PTPRD: variants seen among roughly 807,000 people sequenced by gnomAD.
PTPRD encodes the protein protein tyrosine phosphatase receptor type D.
A neutral mutation model predicts 214.5 loss-of-function variants in PTPRD; 34 were observed. The ratio of observed to expected loss-of-function variants is 0.16; its 90% confidence interval spans 0.12 to 0.21. The LOEUF (loss-of-function observed/expected upper bound fraction) is 0.21, where lower values mean the gene tolerates loss of function less well. Among genes scored for constraint, PTPRD ranks in the 10% least tolerant of loss-of-function variants. PTPRD has a pLI of 1.00. For synonymous variants in PTPRD, 1,128 were observed against 845.7 expected, an observed-to-expected ratio of 1.33 and a Z score of -5.79; for missense variants, 2,545 against 2,398.7, an observed-to-expected ratio of 1.06 and a Z score of -1.27.
chr9:10,076,295 T>C (rs972876250), intron 3 of PTPRD, among the ~76,000 whole-genome samples: 1 of 152,090 alleles, frequency 6.6e-6, no homozygotes, highest in Admixed American at 6.6e-5. Context: ...CATCCTATAC[T>C]GCTCAAAAAC....
chr9:10,204,505 A>T (rs184134241), intron 3 of PTPRD, among the ~76,000 whole-genome samples: 1 of 152,238 alleles, frequency 6.6e-6, no homozygotes, highest in East Asian at 1.9e-4. Context: ...GCTAGCATTA[A>T]ATATTTGTTG....
intron 11 of PTPRD, among the ~76,000 whole-genome samples, chr9:8,923,448 T>A (rs2098842314): frequency 6.6e-6 from 1 of 151,254 alleles, no homozygotes; most frequent in African/African-American, 2.4e-5. Context: ...CCAACCACAC[T>A]CCACTCCTGT....
chr9:9,372,103 G>A (rs1444268299), intron 9 of PTPRD, among the ~76,000 whole-genome samples: 1 of 152,140 alleles, frequency 6.6e-6, no homozygotes, highest in Non-Finnish European at 1.5e-5. Flanking sequence ...ATTTGGGGTG[G>A]AGAGTTCTGT....
Position 9,019,340 on chromosome 9 carries a change from GAAAGAAA to G in PTPRD, c.-142-612_-142-606del, listed in dbSNP as rs2099553297. On this transcript the variant is annotated intron_variant, in intron 10 of 45. Coordinates refer to ENST00000381196, the MANE Select transcript of PTPRD (RefSeq NM_002839.4). ...AGAAAGAAAGAAAGAAAGAAAGAAC[GAAAGAAA>G]GAAAGAAAGAAAGAATCTGAATTTT... is the stretch of plus-strand genomic sequence containing the variant. Among the ~76,000 whole-genome samples the G allele has an allele frequency of 2.2e-4, 5 of 23,066 alleles. No individual in the cohort carries two copies. In the South Asian group the frequency reaches 0.013, roughly 60 times the overall value. 15.1% of individuals were successfully genotyped at this position (23,066 alleles called of 152,430 possible).
chr9:10,481,634 G>C (rs1235085041), intron 2 of PTPRD, among the ~76,000 whole-genome samples: 1 of 152,128 alleles, frequency 6.6e-6, no homozygotes, highest in African/African-American at 2.4e-5. Flanking sequence ...AATGATTAAA[G>C]AAGTCATGAC....
At chr9:8,972,139 C>T (rs1249158662) in intron 11 of PTPRD, among the ~76,000 whole-genome samples, 1 of 151,792 alleles carries the variant, frequency 6.6e-6, no homozygotes, top group Non-Finnish European at 1.5e-5. Flanking sequence ...ACCAACTAAC[C>T]TCACATATGC....
At chr9:8,666,788 GC>G (rs1166598504) in intron 12 of PTPRD, among the ~76,000 whole-genome samples, 1 of 152,074 alleles carries the variant, frequency 6.6e-6, no homozygotes, top group East Asian at 1.9e-4. Context: ...GAACATAACT[GC>G]CCCCTCGAGT....
At chr9:9,931,808 T>C (rs559212085) in intron 5 of PTPRD, among the ~76,000 whole-genome samples, 11,623 of 151,080 alleles carry the variant, frequency 0.077, 1,437 homozygotes, top group African/African-American at 0.27. Context: ...CAGTAACCTC[T>C]GCAGACTTAA....
At chr9:8,319,285 CTTA>C (rs1186303063) in intron 45 of PTPRD, among the ~76,000 whole-genome samples, 1 of 152,096 alleles carries the variant, frequency 6.6e-6, no homozygotes, top group African/African-American at 2.4e-5. Flanking sequence ...ATCATAAACT[CTTA>C]TTATTACGAG....
At chr9:9,288,710 G>T (rs1306240327) in intron 9 of PTPRD, among the ~76,000 whole-genome samples, 1 of 151,800 alleles carries the variant, frequency 6.6e-6, no homozygotes, top group African/African-American at 2.4e-5. Flanking sequence ...ACATGGTTTG[G>T]CTGTGTCCCC....
intron 12 of PTPRD, among the ~76,000 whole-genome samples, chr9:8,730,118 A>T (rs1215215790): frequency 6.6e-6 from 1 of 152,038 alleles, no homozygotes; most frequent in African/African-American, 2.4e-5. Flanking sequence ...TAGCCGGGCG[A>T]GGTGGCGGGC....
intron 10 of PTPRD, among the ~76,000 whole-genome samples, chr9:9,154,988 A>C (rs1229993324): frequency 6.6e-6 from 1 of 152,156 alleles, no homozygotes; most frequent in African/African-American, 2.4e-5. Context: ...TATGAGATTC[A>C]TAGGTTTTCT....
At chr9:8,557,229 C>T (rs1364073149) in intron 14 of PTPRD, among the ~76,000 whole-genome samples, 1 of 151,810 alleles carries the variant, frequency 6.6e-6, no homozygotes, top group East Asian at 1.9e-4. Flanking sequence ...GAAGATTACT[C>T]AGTGGTCTTG....
At chr9:8,468,747 C>A (rs1000262253) in intron 31 of PTPRD, among the ~76,000 whole-genome samples, 5 of 140,784 alleles carry the variant, frequency 3.6e-5, no homozygotes, top group African/African-American at 1.3e-4. Context: ...TCAAACCTGG[C>A]AGTATCAAGC....
intron 4 of PTPRD, among the ~76,000 whole-genome samples, chr9:9,983,162 G>C (rs7045801): frequency 6.6e-6 from 1 of 152,156 alleles, no homozygotes; most frequent in African/African-American, 2.4e-5. Context: ...CTTTGATTCA[G>C]AATGGATTAC....
At chr9:9,071,643 C>G (rs1163110007) in intron 10 of PTPRD, among the ~76,000 whole-genome samples, 1 of 152,186 alleles carries the variant, frequency 6.6e-6, no homozygotes, top group East Asian at 1.9e-4. Flanking sequence ...TTAATTCTGA[C>G]AACAACTTGA....
intron 9 of PTPRD, among the ~76,000 whole-genome samples, chr9:9,261,661 T>TGTG (rs1206070135): frequency 6.6e-6 from 1 of 151,474 alleles, no homozygotes; most frequent in African/African-American, 2.4e-5. Context: ...TGTGTGTGTG[T>TGTG]GTGTGTGTGT....
intron 39 of PTPRD, among the ~76,000 whole-genome samples, chr9:8,347,854 A>G (rs2074309629): frequency 6.6e-6 from 1 of 152,146 alleles, no homozygotes; most frequent in African/African-American, 2.4e-5. Flanking sequence ...GCCTCTCCTG[A>G]AACCAACTCT....
chr9:10,245,338 A>G (rs1355390399), intron 3 of PTPRD, among the ~76,000 whole-genome samples: 1 of 152,194 alleles, frequency 6.6e-6, no homozygotes, highest in Non-Finnish European at 1.5e-5. Flanking sequence ...TGCGTAGGTA[A>G]TCTGATAATC....
Sources: gnomAD v4.1 joint callset for allele counts (sites outside exome capture counted in the v4.1 genomes callset) on GRCh38, gnomAD v4.1.1 for gene constraint, MANE v1.5 for transcripts, NCBI Gene and HGNC (gene_info 2026-07-23, HGNC 2026-07-21) for gene names.